The following SUZ12 variants were observed in gnomAD, a reference collection of about 807,000 sequenced individuals.
SUZ12 encodes the protein SUZ12 polycomb repressive complex 2 subunit, also known as polycomb protein SUZ12.
SUZ12 carries 17 observed loss-of-function variants against 87.3 expected under a neutral mutation model. That is an observed-to-expected ratio of 0.19 (90% confidence interval 0.13 to 0.29). The LOEUF (loss-of-function observed/expected upper bound fraction) is 0.29. Ranked by LOEUF, SUZ12 falls within the 10% of genes least tolerant of loss-of-function variation. SUZ12 has a pLI of 1.00. For synonymous variants in SUZ12, 253 were observed against 312.4 expected (o/e 0.81, Z 2.01); for missense variants, 526 against 912.2 (o/e 0.58, Z 5.45).
intron 4 of SUZ12, among the ~76,000 whole-genome samples, chr17:31,959,369 T>C (rs1376412552): frequency 6.6e-6 from 1 of 152,204 alleles, no homozygotes; most frequent in Non-Finnish European, 1.5e-5. Flanking sequence ...TCACAGTACT[T>C]CTGCAGAGTG....
At chr17:31,940,150 A>C in intron 1 of SUZ12, 136 bp from the exon 2 acceptor site, 1 of 1,306,824 alleles carries the variant, frequency 7.7e-7, no homozygotes, top group East Asian at 2.4e-5. Context: ...CTTGATGTAA[A>C]TATTTAGTGC....
At chr17:31,956,911 G>A (rs1598157161) in intron 4 of SUZ12, among the ~76,000 whole-genome samples, 1 of 152,040 alleles carries the variant, frequency 6.6e-6, no homozygotes, top group Non-Finnish European at 1.5e-5. Context: ...AGGTAGCTGG[G>A]ATTATAGGCA....
chr17:31,993,047 C>T (rs1483799832), intron 10 of SUZ12, among the ~76,000 whole-genome samples, 195 bp from the exon 11 acceptor site: 1 of 152,126 alleles, frequency 6.6e-6, no homozygotes, highest in Non-Finnish European at 1.5e-5. Context: ...GCCAATAGAC[C>T]TTAACATCAG....
chr17:31,960,043 G>A (rs116122900), intron 4 of SUZ12, among the ~76,000 whole-genome samples: 5,958 of 152,112 alleles, frequency 0.039, 389 homozygotes, highest in African/African-American at 0.13. Flanking sequence ...CCAACCTTAC[G>A]TGTTTCTTTT....
intron 1 of SUZ12, among the ~76,000 whole-genome samples, chr17:31,939,523 A>ATT (rs200521374): frequency 2.3e-4 from 32 of 140,474 alleles, no homozygotes; most frequent in African/African-American, 3.9e-4. Flanking sequence ...GCTGACTACA[A>ATT]TTTTTTTTTT....
chr17:31,991,454 T>C (rs1175762932), intron 10 of SUZ12, among the ~76,000 whole-genome samples: 3 of 151,818 alleles, frequency 2.0e-5, no homozygotes, highest in African/African-American at 7.3e-5. Flanking sequence ...CAGAAACCAG[T>C]GAAATAGGTA....
At chr17:31,956,508 T>C (rs71375486) in intron 4 of SUZ12, among the ~76,000 whole-genome samples, 1 of 152,102 alleles carries the variant, frequency 6.6e-6, no homozygotes, top group Non-Finnish European at 1.5e-5. Context: ...ATATATATAG[T>C]TATTGTTTCT....
At chr17:31,952,699 A>G (rs2142137298) in intron 4 of SUZ12, among the ~76,000 whole-genome samples, 1 of 152,162 alleles carries the variant, frequency 6.6e-6, no homozygotes, top group East Asian at 1.9e-4. Flanking sequence ...AGTAGCTGGG[A>G]TTACAGGCAT....
intron 15 of SUZ12, among the ~76,000 whole-genome samples, chr17:31,998,011 G>T (rs1318142946): frequency 1.3e-5 from 2 of 152,060 alleles, no homozygotes; most frequent in African/African-American, 4.8e-5. Flanking sequence ...GCCAAGGCAG[G>T]AGGATCACTT....
At chr17:31,973,367 T>C (rs1252284989) in intron 6 of SUZ12, 136 bp downstream of exon 6, 4 of 602,494 alleles carry the variant, frequency 6.6e-6, no homozygotes, top group Non-Finnish European at 1.1e-5. Context: ...GGCCTAATTA[T>C]AAAACTGATA....
intron 9 of SUZ12, among the ~76,000 whole-genome samples, chr17:31,985,215 AAT>A: frequency 6.6e-6 from 1 of 151,598 alleles, no homozygotes; most frequent in Non-Finnish European, 1.5e-5. Context: ...GCAGACTGGC[AAT>A]ATATATAAAG....
chr17:31,985,626 G>T (rs2142199038), intron 9 of SUZ12, among the ~76,000 whole-genome samples: 1 of 151,100 alleles, frequency 6.6e-6, no homozygotes, highest in South Asian at 2.1e-4. Flanking sequence ...TATATATGAA[G>T]AGTTTTTGTT....
intron 4 of SUZ12, among the ~76,000 whole-genome samples, chr17:31,961,728 C>T (rs1456907329): frequency 6.6e-6 from 1 of 152,094 alleles, no homozygotes; most frequent in Non-Finnish European, 1.5e-5. Flanking sequence ...TTCTTAATGA[C>T]CTCAGTTTGT....
At chr17:31,975,062 T>C (rs1442266860) in intron 6 of SUZ12, among the ~76,000 whole-genome samples, 1 of 152,198 alleles carries the variant, frequency 6.6e-6, no homozygotes, top group Non-Finnish European at 1.5e-5. Context: ...ATGGTCCTAT[T>C]AGTCACTGTC....
chr17:31,976,835 G>A (rs1395016558), intron 8 of SUZ12, among the ~76,000 whole-genome samples: 2 of 152,030 alleles, frequency 1.3e-5, no homozygotes, highest in African/African-American at 4.8e-5. Flanking sequence ...TACTTATTTG[G>A]CGAATATTTT....
At chr17:31,988,586 A>G (rs1909534760) in intron 10 of SUZ12, 89 bp downstream of exon 10, 4 of 1,268,912 alleles carry the variant, frequency 3.2e-6, no homozygotes, top group Non-Finnish European at 4.2e-6. Context: ...GTTTTGCTTT[A>G]TGTGATTCTT....
intron 4 of SUZ12, among the ~76,000 whole-genome samples, chr17:31,954,325 C>T (rs147496201): frequency 0.018 from 2,683 of 152,146 alleles, 77 homozygotes; most frequent in African/African-American, 0.06. Flanking sequence ...CCTCCCAAAG[C>T]GCTGGGATTG....
intron 4 of SUZ12, among the ~76,000 whole-genome samples, chr17:31,951,264 A>G (rs1906961446): frequency 6.6e-6 from 1 of 152,246 alleles, no homozygotes. Flanking sequence ...ATAGTAGTAT[A>G]GCCCAAAAGT....
chr17:32,000,754 G>C lies in SUZ12; in HGVS notation c.*1751G>C, dbSNP rs1910217130. On this transcript the variant is annotated 3_prime_UTR_variant, in exon 16 of 16. Transcript: ENST00000322652. ...AAGGCTAGCATTGTTTGCACAAAAA[G>C]TTGGTGATTCCCACCCCAAATAGTA... 4.3e-6 allele frequency: 1 copy of C among 230,396 alleles called. No homozygotes were observed. The highest frequency in any genetic ancestry group is 1.8e-4 in the South Asian group (1 of 5,492). 14.3% of individuals were successfully genotyped at this position (230,396 alleles called of 1,614,324 possible).
Sources: allele counts gnomAD v4.1 joint callset (sites outside exome capture counted in the v4.1 genomes callset), GRCh38; gene constraint gnomAD v4.1.1; transcripts MANE v1.5; gene names NCBI Gene and HGNC (gene_info 2026-07-23, HGNC 2026-07-21).